UBAC1: variants seen among roughly 807,000 people sequenced by gnomAD.
UBAC1 encodes the protein ubiquitin-associated domain-containing protein 1.
UBAC1 carries 27 observed loss-of-function variants against 45.9 expected under a neutral mutation model. The observed-to-expected ratio is 0.59, with a 90% CI of 0.43 to 0.81. UBAC1 has a LOEUF of 0.81. Among genes scored for constraint, UBAC1 ranks in the 30% least tolerant of loss-of-function variants. UBAC1 has a pLI of 0.00. For synonymous variants in UBAC1, 227 were observed against 215.5 expected, an observed-to-expected ratio of 1.05 and a Z score of -0.47; for missense variants, 529 against 539.2, an observed-to-expected ratio of 0.98 and a Z score of 0.19.
chr9:135,948,378 A>C (rs1198850055), intron 3 of UBAC1, among the ~76,000 whole-genome samples: 3 of 152,280 alleles, frequency 2.0e-5, no homozygotes, highest in Non-Finnish European at 4.4e-5. Flanking sequence ...CATTCTCAGA[A>C]GACGGCAGAG....
At chr9:135,957,199 CCTT>C (rs1280063015) in intron 1 of UBAC1, among the ~76,000 whole-genome samples, 1 of 152,136 alleles carries the variant, frequency 6.6e-6, no homozygotes, top group Non-Finnish European at 1.5e-5. Context: ...GGGGCTCACT[CCTT>C]CACACAAAAC....
At chr9:135,945,652 G>T in intron 6 of UBAC1, 1 of 570,468 alleles carries the variant, frequency 1.8e-6, no homozygotes, top group Non-Finnish European at 3.1e-6. Flanking sequence ...TGCTACGAAC[G>T]GGATTCACCT....
chr9:135,944,938 T>A, intron 7 of UBAC1, 90 bp downstream of exon 7: 1 of 1,329,490 alleles, frequency 7.5e-7, no homozygotes, highest in Non-Finnish European at 1.0e-6. Context: ...CAGCCCAAGG[T>A]CAGCCATGCA....
At chr9:135,945,316 A>T in intron 6 of UBAC1, 66 bp from the exon 7 acceptor site, 1 of 1,365,976 alleles carries the variant, frequency 7.3e-7, no homozygotes, top group Non-Finnish European at 9.8e-7. Flanking sequence ...CCTCCTGTCC[A>T]TTCCCAAGAA....
At chr9:135,941,739 G>A (rs552076339) in intron 7 of UBAC1, among the ~76,000 whole-genome samples, 4 of 152,294 alleles carry the variant, frequency 2.6e-5, no homozygotes, top group East Asian at 1.9e-4. Context: ...GGGGCCTTGC[G>A]CTCACGGGCT....
rs866448333 is a variant in UBAC1 at position 135,955,345 on chromosome 9, C to T, written c.209G>A (p.Arg70Lys). The T allele has an allele frequency of 1.2e-6, 2 of 1,607,836 alleles. No individual in the cohort carries two copies. Among genetic ancestry groups the T allele is most frequent in the Non-Finnish European group, 8.5e-7 (1 of 1,178,390 alleles). ...GATGGTCCTGGCATCACTCAGCACC[C>T]TCTCTGAGGCAGCGTGGATTAATTT... ...HHKLIHAASE[R>K]VLSDARTILE... Residue 70 changes from arginine (R) to lysine (K), a missense_variant, in exon 2 of 10, where the codon AGG becomes AAG. By Grantham distance (26) the Arg-to-Lys change is conservative. Transcript: ENST00000371756.
At chr9:135,934,490 C>G (rs1394336537) in intron 9 of UBAC1, among the ~76,000 whole-genome samples, 1 of 152,140 alleles carries the variant, frequency 6.6e-6, no homozygotes, top group Admixed American at 6.5e-5. Flanking sequence ...AAAACCCTGT[C>G]TCTACTAAAA....
chr9:135,947,496 A>G (rs1839352334), intron 4 of UBAC1: 1 of 295,768 alleles, frequency 3.4e-6, no homozygotes, highest in South Asian at 9.0e-5. Flanking sequence ...CAGGTGATCC[A>G]CCCGCTTCGG....
At chr9:135,939,604 G>A (rs1839244579) in intron 8 of UBAC1, 69 bp downstream of exon 8, 2 of 1,482,346 alleles carry the variant, frequency 1.3e-6, no homozygotes, top group African/African-American at 2.8e-5. Flanking sequence ...ACTCACCACA[G>A]CCCACACTTA....
Position 135,933,191 on chromosome 9 carries a change from C to T in UBAC1, c.*209G>A. The T allele has an allele frequency of 1.8e-6, 1 of 542,836 alleles. No homozygotes were observed. Among genetic ancestry groups the T allele is most frequent in the Non-Finnish European group, 3.3e-6 (1 of 303,972 alleles). 33.6% of individuals were successfully genotyped at this position (542,836 alleles called of 1,614,324 possible). On this transcript the variant is annotated 3_prime_UTR_variant, in exon 10 of 10. Coordinates refer to ENST00000371756, the MANE Select transcript of UBAC1 (RefSeq NM_016172.3). ...AGTGCGACAACCACTTTTTTGTAAACACCTGTCAGATGCTAAAAATACGGC... is the reference window on the plus strand; with the variant it reads ...AGTGCGACAACCACTTTTTTGTAAATACCTGTCAGATGCTAAAAATACGGC...
rs967749971 is a variant in UBAC1 at position 135,943,145 on chromosome 9, C to A, written c.876+1883G>T. Among the ~76,000 whole-genome samples the A allele has an allele frequency of 2.6e-5, 4 of 152,158 alleles. No individual in the cohort carries two copies. In the South Asian group the frequency reaches 6.2e-4, roughly 24 times the overall value. On this transcript the variant is annotated intron_variant, in intron 7 of 9. Coordinates refer to ENST00000371756, the MANE Select transcript of UBAC1 (RefSeq NM_016172.3). ...TCTCAAAAGAAGACAGTTGGCCGGG[C>A]GCAGTGTCTCACACCTGTAATCCCA...
intron 4 of UBAC1, 45 bp downstream of exon 4, chr9:135,947,753 C>T (rs1358162453): frequency 6.5e-7 from 1 of 1,541,828 alleles, no homozygotes; most frequent in Non-Finnish European, 8.9e-7. Context: ...CAATCCCCCA[C>T]ACGGGGACCC....
At position 135,953,757 on chromosome 9, in the gene UBAC1, GA is replaced by G. The variant is rs766567460; in HGVS notation, c.260-5del. 107 of 1,612,954 alleles carry G rather than the reference GA, an allele frequency of 6.6e-5. 1 individual carries two copies. The highest frequency in any genetic ancestry group is 4.9e-4 in the Middle Eastern group (3 of 6,078). ...TTTTTTATCAATAATAGGACATCTA[GA>G]AAAAACAACACGTATATCCAACACA... is the stretch of plus-strand genomic sequence containing the variant. On this transcript the variant is annotated splice_region_variant and splice_polypyrimidine_tract_variant and intron_variant, in intron 2 of 9. Transcript: ENST00000371756.
Position 135,946,101 on chromosome 9 carries a change from G to A in UBAC1, c.545-104C>T, listed in dbSNP as rs114141783. 1.4e-3 allele frequency: 1,681 copies of A among 1,210,156 alleles called. 9 individuals are homozygous for A. The African/African-American group carries it at 0.016, about 12-fold the overall frequency. 75.0% of individuals were successfully genotyped at this position (1,210,156 alleles called of 1,614,324 possible). On this transcript the variant is annotated intron_variant, in intron 5 of 9. Transcript: ENST00000371756. ...TTATCTGTCTGAGCTCCACCTGCCC[G>A]CCCTCAGGCACATCAACAGGAGTTG... is the stretch of plus-strand genomic sequence containing the variant.
At chr9:135,959,376 T>G (rs2131097170) in intron 1 of UBAC1, among the ~76,000 whole-genome samples, 1 of 100,968 alleles carries the variant, frequency 9.9e-6, no homozygotes, top group African/African-American at 3.4e-5. Flanking sequence ...TGTCTGGTTT[T>G]TTTTTTTTTT....
intron 6 of UBAC1, 26 bp from the exon 7 acceptor site, chr9:135,945,276 C>A (rs2131086550): frequency 6.5e-7 from 1 of 1,533,422 alleles, no homozygotes; most frequent in Non-Finnish European, 8.8e-7. Flanking sequence ...CTCTTTCCAA[C>A]ATCCCCAGAC....
At chr9:135,955,124 C>A (rs1320069938) in intron 2 of UBAC1, among the ~76,000 whole-genome samples, 171 bp downstream of exon 2, 1 of 152,204 alleles carries the variant, frequency 6.6e-6, no homozygotes, top group South Asian at 2.1e-4. Context: ...TACTCTATAA[C>A]AGAACTCTTT....
At chr9:135,939,148 G>A (rs1428194565) in intron 8 of UBAC1, among the ~76,000 whole-genome samples, 1 of 151,288 alleles carries the variant, frequency 6.6e-6, no homozygotes, top group Non-Finnish European at 1.5e-5. Flanking sequence ...GCTGCAGTGA[G>A]TGTGATCACA....
chr9:135,954,702 C>G (rs1839445717), intron 2 of UBAC1, among the ~76,000 whole-genome samples: 1 of 152,196 alleles, frequency 6.6e-6, no homozygotes, highest in African/African-American at 2.4e-5. Context: ...TTAGTCTTAA[C>G]CCTCAGAGGT....
Sources: allele counts gnomAD v4.1 joint callset (sites outside exome capture counted in the v4.1 genomes callset), GRCh38; gene constraint gnomAD v4.1.1; transcripts MANE v1.5; gene names NCBI Gene and HGNC (gene_info 2026-07-23, HGNC 2026-07-21).